LIPF: variants seen among roughly 807,000 people sequenced by gnomAD.
LIPF encodes lipase F, gastric type, also known as gastric triacylglycerol lipase.
A neutral mutation model predicts 38.0 loss-of-function variants in LIPF; 25 were observed. That is an observed-to-expected ratio of 0.66 (90% CI 0.48 to 0.92). LIPF has a LOEUF of 0.92. Among genes scored for constraint, LIPF ranks in the 40% least tolerant of loss-of-function variants. LIPF has a pLI of 0.00. For missense variants in LIPF, 410 were observed against 469.9 expected (o/e 0.87, Z 1.18); for synonymous variants, 161 against 156.2 (o/e 1.03, Z -0.23).
At chr10:88,672,496 A>G (rs894548831) in intron 6 of LIPF, among the ~76,000 whole-genome samples, 3 of 152,186 alleles carry the variant, frequency 2.0e-5, no homozygotes, top group African/African-American at 7.2e-5. Context: ...GGGCGATCTC[A>G]TAAGTCAGTG....
intron 4 of LIPF, 164 bp downstream of exon 4, chr10:88,668,920 A>T: frequency 1.6e-6 from 1 of 619,126 alleles, no homozygotes. Context: ...CCTCATTCCT[A>T]GGGTAGCTTT....
At chr10:88,677,132 T>C (rs1159243209) in intron 9 of LIPF, among the ~76,000 whole-genome samples, 2 of 152,264 alleles carry the variant, frequency 1.3e-5, no homozygotes, top group Admixed American at 6.5e-5. Context: ...AAGGAATTTA[T>C]ATGTTTTAAC....
chr10:88,666,422 T>C (rs1479017040), intron 1 of LIPF, among the ~76,000 whole-genome samples: 5 of 152,244 alleles, frequency 3.3e-5, no homozygotes, highest in Non-Finnish European at 5.9e-5. Context: ...GTCCTCTACA[T>C]GGCTTCCCTT....
chr10:88,667,090 TAAACATGTTAAGCATTA>T (rs1321577835), intron 1 of LIPF, among the ~76,000 whole-genome samples, 180 bp from the exon 2 acceptor site: 1 of 152,186 alleles, frequency 6.6e-6, no homozygotes, highest in Admixed American at 6.5e-5. Flanking sequence ...ATTAAAAGCT[TAAACATGTTAAGCATTA>T]AAACATGTTA....
intron 7 of LIPF, among the ~76,000 whole-genome samples, chr10:88,674,417 C>T (rs1329319971): frequency 1.3e-5 from 2 of 152,150 alleles, no homozygotes; most frequent in Admixed American, 1.3e-4. Flanking sequence ...ATCCACACGC[C>T]TCAGCTTCCC....
In LIPF at chr10:88,673,749, C is replaced by A; in HGVS notation, c.816+15C>A. ...ACTTTAACACGGTTAGTATGCATTT[C>A]AATTTCTATATTTTGAGCAACATCT... On this transcript the variant is annotated intron_variant, in intron 7 of 9. Transcript: ENST00000238983. 2 of 1,596,720 alleles carry A rather than the reference C, an allele frequency of 1.3e-6. No individual in the cohort carries two copies. Among genetic ancestry groups the A allele is most frequent in the Non-Finnish European group, 1.7e-6 (2 of 1,170,008 alleles).
At position 88,678,694 on chromosome 10, in the gene LIPF, A is replaced by G; in HGVS notation, c.*13A>G. 6.5e-7 allele frequency: 1 copy of G among 1,543,798 alleles called. No individual in the cohort carries two copies. The highest frequency in any genetic ancestry group is 9.0e-7 in the Non-Finnish European group (1 of 1,116,846). On this transcript the variant is annotated 3_prime_UTR_variant, in exon 10 of 10. Coordinates refer to ENST00000238983, the MANE Select transcript of LIPF (RefSeq NM_004190.4). The stretch of plus-strand genomic sequence containing the variant: ...AGATAAAAAGTAGTTCTGGATTTAA[A>G]GAATTATCCGTTTGTTTTTCCAAAA...
At position 88,667,405 on chromosome 10, in the gene LIPF, A is replaced by C; in HGVS notation, c.105+3A>C. 6.5e-7 allele frequency: 1 copy of C among 1,534,686 alleles called. No individual in the cohort carries two copies. Among genetic ancestry groups the C allele is most frequent in the Non-Finnish European group, 9.0e-7 (1 of 1,110,608 alleles). ...GCCCTGAAGTGACTATGAACATTGTAAGTTACTCTGGGGAAAAACTCTATA... is the reference window on the plus strand; with the variant it reads ...GCCCTGAAGTGACTATGAACATTGTCAGTTACTCTGGGGAAAAACTCTATA... On this transcript the variant is annotated splice_donor_region_variant and intron_variant, in intron 2 of 9. Transcript: ENST00000238983.
intron 1 of LIPF, chr10:88,665,690 T>G (rs1841500761): frequency 1.6e-6 from 1 of 622,086 alleles, no homozygotes; most frequent in Admixed American, 2.7e-5. Flanking sequence ...TATTAGTTTA[T>G]CTCTTCCTAA....
intron 7 of LIPF, among the ~76,000 whole-genome samples, chr10:88,674,414 C>A (rs149346905): frequency 6.6e-6 from 1 of 151,858 alleles, no homozygotes; most frequent in Non-Finnish European, 1.5e-5. Flanking sequence ...ATGATCCACA[C>A]GCCTCAGCTT....
At chr10:88,674,602 G>T (rs932688121) in intron 7 of LIPF, among the ~76,000 whole-genome samples, 10 of 152,174 alleles carry the variant, frequency 6.6e-5, no homozygotes, top group African/African-American at 2.4e-4. Context: ...CCTACATTTG[G>T]AACTGACTTA....
chr10:88,665,001 G>T (rs149841262), intron 1 of LIPF, among the ~76,000 whole-genome samples: 1 of 152,278 alleles, frequency 6.6e-6, no homozygotes, highest in East Asian at 1.9e-4. Context: ...CAGAAGTCTA[G>T]ACCAAATTAT....
intron 6 of LIPF, 61 bp from the exon 7 acceptor site, chr10:88,673,527 C>T: frequency 1.6e-6 from 2 of 1,271,058 alleles, no homozygotes; most frequent in Non-Finnish European, 2.2e-6. Context: ...ATTAGATAAA[C>T]TAGTGAGTCT....
At position 88,671,958 on chromosome 10, in the gene LIPF, T is replaced by G; in HGVS notation, c.662T>G (p.Leu221Arg). 6.2e-7 allele frequency: 1 copy of G among 1,609,070 alleles called. No homozygotes were observed. Among genetic ancestry groups the G allele is most frequent in the Non-Finnish European group, 8.5e-7 (1 of 1,177,880 alleles). The change falls in exon 6 of 10, where the codon CTC becomes CGC. Residue 221 changes from leucine to arginine, a missense_variant. Coordinates refer to ENST00000238983, the MANE Select transcript of LIPF (RefSeq NM_004190.4). ...INKLRFVPQS[L>R]FKFIFGDKIF... ...AAACTTAGATTTGTTCCTCAATCCC[T>G]CTTCAAGGTATGCAATTCTCTTTAA...
Position 88,668,608 on chromosome 10 carries a change from A to C in LIPF, c.274A>C (p.Asn92His), listed in dbSNP as rs759591413. 2 of 1,614,078 alleles carry C rather than the reference A, an allele frequency of 1.2e-6. No individual in the cohort carries two copies. Among genetic ancestry groups the C allele is most frequent in the Non-Finnish European group, 8.5e-7 (1 of 1,180,012 alleles). ...LQHGLLASATNWISNLPNNSL... is the reference protein window; with the variant it reads ...LQHGLLASATHWISNLPNNSL... The stretch of plus-strand genomic sequence containing the variant: ...GCATGGTTTGCTTGCATCAGCCACA[A>C]ACTGGATTTCCAACCTGCCGAACAA... The change falls in exon 4 of 10, where the codon AAC (asparagine) becomes CAC (histidine). Residue 92 changes from asparagine to histidine, a missense_variant. Transcript: ENST00000238983.
At chr10:88,673,506 T>A in intron 6 of LIPF, 82 bp from the exon 7 acceptor site, 1 of 1,018,066 alleles carries the variant, frequency 9.8e-7, no homozygotes. Context: ...TCATCACACA[T>A]GTATAAGTAG....
At chr10:88,677,167 G>A (rs1190814851) in intron 9 of LIPF, among the ~76,000 whole-genome samples, 1 of 152,116 alleles carries the variant, frequency 6.6e-6, no homozygotes, top group African/African-American at 2.4e-5. Context: ...TGTAGAGAAG[G>A]TGCCCCCCAA....
chr10:88,675,929 C>A (rs1841679722), intron 8 of LIPF, among the ~76,000 whole-genome samples: 1 of 152,082 alleles, frequency 6.6e-6, no homozygotes, highest in Admixed American at 6.5e-5. Context: ...GTGTGCTGCA[C>A]CCACTAACTC....
chr10:88,665,195 A>G (rs936055637), intron 1 of LIPF, among the ~76,000 whole-genome samples: 1 of 152,218 alleles, frequency 6.6e-6, no homozygotes, highest in African/African-American at 2.4e-5. Flanking sequence ...AAAATGGATA[A>G]TATAATGCTA....
Sources: gnomAD v4.1 joint callset for allele counts (sites outside exome capture counted in the v4.1 genomes callset) on GRCh38, gnomAD v4.1.1 for gene constraint, MANE v1.5 for transcripts, NCBI Gene and HGNC (gene_info 2026-07-23, HGNC 2026-07-21) for gene names.